WDFY2: variants seen among roughly 807,000 people sequenced by gnomAD.
WDFY2 encodes WD repeat and FYVE domain-containing protein 2.
A neutral mutation model predicts 56.4 loss-of-function variants in WDFY2; 36 were observed. That is an observed-to-expected ratio of 0.64 (90% CI 0.49 to 0.84). The LOEUF (loss-of-function observed/expected upper bound fraction) is 0.84, where lower values mean the gene tolerates loss of function less well. Ranked by LOEUF, WDFY2 falls within the 40% of genes least tolerant of loss-of-function variation. WDFY2 has a pLI of 0.00. For missense variants in WDFY2, 444 were observed against 512.2 expected, an observed-to-expected ratio of 0.87 and a Z score of 1.29; for synonymous variants, 176 against 183.7, an observed-to-expected ratio of 0.96 and a Z score of 0.34.
At chr13:51,703,928 C>T (rs924164822) in intron 4 of WDFY2, among the ~76,000 whole-genome samples, 2 of 152,146 alleles carry the variant, frequency 1.3e-5, no homozygotes, top group Non-Finnish European at 2.9e-5. Flanking sequence ...TGCTTTTCAA[C>T]GTACAGCAGG....
intron 3 of WDFY2, among the ~76,000 whole-genome samples, chr13:51,677,174 G>T (rs961939323): frequency 2.6e-5 from 4 of 152,094 alleles, no homozygotes; most frequent in Non-Finnish European, 5.9e-5. Flanking sequence ...CATCAGTCAG[G>T]GTCCATCTTT....
At chr13:51,615,812 G>A (rs1367839381) in intron 1 of WDFY2, among the ~76,000 whole-genome samples, 1 of 152,190 alleles carries the variant, frequency 6.6e-6, no homozygotes, top group East Asian at 1.9e-4. Flanking sequence ...ATCAAGGTAA[G>A]AGATTTGGTT....
At chr13:51,703,769 TTGAG>T in intron 4 of WDFY2, 119 bp downstream of exon 4, 1 of 815,980 alleles carries the variant, frequency 1.2e-6, no homozygotes, top group Non-Finnish European at 1.9e-6. Context: ...GAGCAACCTT[TTGAG>T]TGAGTGTTAT....
chr13:51,766,932 A>T lies in WDFY2; in HGVS notation c.*7163A>T, dbSNP rs2138844715. The T allele has an allele frequency of 6.6e-6, 1 of 152,468 alleles. No homozygotes were observed. Among genetic ancestry groups the T allele is most frequent in the South Asian group, 2.1e-4 (1 of 4,830 alleles). The allele number at this position is 152,468 out of a possible 1,614,324, so 9.4% of individuals were successfully genotyped here. On this transcript the variant is annotated 3_prime_UTR_variant, in exon 12 of 12. Coordinates refer to ENST00000298125, the MANE Select transcript of WDFY2 (RefSeq NM_052950.4). Reference sequence around the variant, plus strand: ...CCACTCCACCTGCTGTCTAGATGCCAGGGAGAGCTGCTGTTTGGAGGTGAA... The same window carrying T: ...CCACTCCACCTGCTGTCTAGATGCCTGGGAGAGCTGCTGTTTGGAGGTGAA...
intron 8 of WDFY2, among the ~76,000 whole-genome samples, chr13:51,754,737 C>T (rs1321369877): frequency 6.6e-6 from 1 of 152,174 alleles, no homozygotes; most frequent in African/African-American, 2.4e-5. Context: ...CAGTAATTTG[C>T]AGGAGTTGTT....
At chr13:51,691,486 T>C (rs1424035681) in intron 3 of WDFY2, among the ~76,000 whole-genome samples, 2 of 151,102 alleles carry the variant, frequency 1.3e-5, no homozygotes, top group African/African-American at 2.4e-5. Flanking sequence ...TTCTCAGGTT[T>C]GTCAAAGATC....
At chr13:51,585,882 A>T (rs1265234645) in intron 1 of WDFY2, 1 of 396,660 alleles carries the variant, frequency 2.5e-6, no homozygotes, top group East Asian at 3.6e-5. Flanking sequence ...CGCACTTAGC[A>T]TAGTGTGTGG....
chr13:51,755,537 C>G lies in WDFY2; in HGVS notation c.933+78C>G. 6.4e-6 allele frequency: 9 copies of G among 1,414,390 alleles called. 1 individual carries two copies. In the South Asian group the frequency reaches 1.1e-4, roughly 17 times the overall value. The allele number at this position is 1,414,390 out of a possible 1,614,324, so 87.6% of individuals were successfully genotyped here. On this transcript the variant is annotated intron_variant, in intron 9 of 11. Coordinates refer to ENST00000298125, the MANE Select transcript of WDFY2 (RefSeq NM_052950.4). ...CATGTGATCTTAGAAGAAATAACAC[C>G]CCTGGGTGGGAGTTGTGGTGAGGGT...
At chr13:51,708,221 A>T (rs1482673957) in intron 4 of WDFY2, among the ~76,000 whole-genome samples, 4 of 151,814 alleles carry the variant, frequency 2.6e-5, no homozygotes, top group African/African-American at 9.7e-5. Context: ...GACCAGGGAC[A>T]GCAGCTGACA....
chr13:51,713,535 C>G (rs747875842), intron 4 of WDFY2, among the ~76,000 whole-genome samples: 1 of 152,132 alleles, frequency 6.6e-6, no homozygotes, highest in Non-Finnish European at 1.5e-5. Flanking sequence ...CTGACACATG[C>G]AAATGAACCT....
intron 1 of WDFY2, chr13:51,599,483 G>A: frequency 6.4e-6 from 1 of 156,866 alleles, no homozygotes. Context: ...TCCCAGTTGA[G>A]ACAGCTGGAA....
chr13:51,622,495 C>G (rs1271126120), intron 1 of WDFY2, among the ~76,000 whole-genome samples: 1 of 152,208 alleles, frequency 6.6e-6, no homozygotes, highest in African/African-American at 2.4e-5. Flanking sequence ...ACCATTGGCT[C>G]TTTCTCTAAT....
Position 51,695,904 on chromosome 13 carries a change from T to C in WDFY2, c.280-7692T>C, listed in dbSNP as rs546219891. On this transcript the variant is annotated intron_variant, in intron 3 of 11. Coordinates refer to ENST00000298125, the MANE Select transcript of WDFY2 (RefSeq NM_052950.4). ...ATGGTGGGTGCCCCTCCCCCAGCCT[T>C]GCTGCCGCCTTGCAGTTTGATCTCA... Among the ~76,000 whole-genome samples, 354 of 152,338 alleles carry C rather than the reference T, an allele frequency of 2.3e-3. 1 individual carries two copies. Among genetic ancestry groups the C allele is most frequent in the African/African-American group, 6.6e-3 (275 of 41,588 alleles).
chr13:51,646,844 C>A (rs945885530), intron 1 of WDFY2, among the ~76,000 whole-genome samples: 4 of 152,200 alleles, frequency 2.6e-5, no homozygotes, highest in African/African-American at 9.6e-5. Context: ...GGGGCATGAA[C>A]CTGGTGTGGT....
At chr13:51,742,915 G>A (rs1953007601) in intron 7 of WDFY2, among the ~76,000 whole-genome samples, 2 of 152,174 alleles carry the variant, frequency 1.3e-5, no homozygotes, top group African/African-American at 4.8e-5. Flanking sequence ...AGTCCTCAAA[G>A]CCTTTTGGTA....
chr13:51,632,687 A>G lies in WDFY2; in HGVS notation c.138-27909A>G, dbSNP rs74086225. The stretch of plus-strand genomic sequence containing the variant: ...TTGTAATCAATGATACAGATAAAAA[A>G]GTTTAAATCTCACTGAGAAAATTTT... On this transcript the variant is annotated intron_variant, in intron 1 of 11. Transcript: ENST00000298125. Among the ~76,000 whole-genome samples, 590 of 152,358 alleles carry G rather than the reference A, an allele frequency of 3.9e-3. 5 individuals carry two copies. The highest frequency in any genetic ancestry group is 0.014 in the African/African-American group (565 of 41,592).
At chr13:51,681,945 A>G (rs1278666866) in intron 3 of WDFY2, among the ~76,000 whole-genome samples, 1 of 152,154 alleles carries the variant, frequency 6.6e-6, no homozygotes, top group Non-Finnish European at 1.5e-5. Flanking sequence ...CTCAGTACCT[A>G]CATGTTATCT....
intron 8 of WDFY2, among the ~76,000 whole-genome samples, chr13:51,753,352 C>T (rs74086262): frequency 6.6e-6 from 1 of 152,158 alleles, no homozygotes; most frequent in Non-Finnish European, 1.5e-5. Flanking sequence ...GGATGTAGAT[C>T]GAGTGACATT....
chr13:51,745,978 T>TC (rs1227087931), intron 7 of WDFY2, among the ~76,000 whole-genome samples: 12 of 139,384 alleles, frequency 8.6e-5, no homozygotes, highest in African/African-American at 2.6e-4. Flanking sequence ...TTTTTCTTTT[T>TC]TTTTTTTTTT....
Sources: gnomAD v4.1 joint callset for allele counts (sites outside exome capture counted in the v4.1 genomes callset) on GRCh38, gnomAD v4.1.1 for gene constraint, MANE v1.5 for transcripts, NCBI Gene and HGNC (gene_info 2026-07-23, HGNC 2026-07-21) for gene names.